Variants in OSBP2 observed in about 807,000 individuals in gnomAD.
The protein encoded by OSBP2 is oxysterol binding protein 2, also known as oxysterol-binding protein 2.
In OSBP2, 66 loss-of-function variants were observed where a neutral mutation model predicts 96.0. That is an observed-to-expected ratio of 0.69 (90% CI 0.56 to 0.84). The LOEUF (loss-of-function observed/expected upper bound fraction) is 0.84. Among genes scored for constraint, OSBP2 ranks in the 40% least tolerant of loss-of-function variants. The probability of loss-of-function intolerance (pLI) is 0.00; values close to 1 mark genes in which losing one functional copy is unlikely to be tolerated. For missense variants in OSBP2, 1,038 were observed against 1,222.7 expected, an observed-to-expected ratio of 0.85 and a Z score of 2.25; for synonymous variants, 525 against 520.9, an observed-to-expected ratio of 1.01 and a Z score of -0.11.
intron 2 of OSBP2, among the ~76,000 whole-genome samples, chr22:30,770,131 G>A (rs534377244): frequency 7.4e-5 from 10 of 134,626 alleles, no homozygotes; most frequent in Admixed American, 4.2e-4. Flanking sequence ...ATGGAGTCTC[G>A]CTCTGTTGCC....
chr22:30,786,186 T>C (rs1282116382), intron 2 of OSBP2, among the ~76,000 whole-genome samples: 2 of 152,136 alleles, frequency 1.3e-5, no homozygotes, highest in South Asian at 2.1e-4. Context: ...CACACCCAGC[T>C]AATTTTTTGT....
At chr22:30,904,318 CTGAGA>C (rs1045260500) in intron 12 of OSBP2, among the ~76,000 whole-genome samples, 95 of 152,214 alleles carry the variant, frequency 6.2e-4, no homozygotes, top group African/African-American at 2.2e-3. Context: ...TTCTCTGCTT[CTGAGA>C]TAAGAACCAT....
At chr22:30,874,435 GAA>G (rs1468888461) in intron 3 of OSBP2, among the ~76,000 whole-genome samples, 3 of 151,910 alleles carry the variant, frequency 2.0e-5, no homozygotes, top group African/African-American at 4.8e-5. Flanking sequence ...AAGAAAAAAA[GAA>G]AAGTCAGGTG....
At chr22:30,804,064 C>T (rs136260) in intron 2 of OSBP2, among the ~76,000 whole-genome samples, 29,002 of 152,144 alleles carry the variant, frequency 0.19, 2,843 homozygotes, top group Middle Eastern at 0.24. Context: ...CTGCCTTCGA[C>T]CCTACCAGCA....
Position 30,893,138 on chromosome 22 carries a change from C to T in OSBP2, c.1886C>T (p.Pro629Leu), listed in dbSNP as rs182014737. Residue 629 changes from proline to leucine, a missense_variant, in exon 9 of 14, where the codon CCC (proline) becomes CTC (leucine). Around this residue, in one of 3 missense-constraint regions of OSBP2, gnomAD observed 737 missense variants for 913.3 expected, o/e 0.81. Transcript: ENST00000332585. ...TGGTCTCAGGTGAGCCACCACCCCC[C>T]CTCAGCTGCGCACTACGTGTTCTCC... ...SLCEQVSHHPPSAAHYVFSKH... is the reference protein window; with the variant it reads ...SLCEQVSHHPLSAAHYVFSKH... 5 of 1,613,942 alleles carry T rather than the reference C, an allele frequency of 3.1e-6. No homozygotes were observed. The highest frequency in any genetic ancestry group is 1.7e-5 in the Admixed American group (1 of 60,002).
chr22:30,757,234 C>A (rs1326429619), intron 2 of OSBP2, among the ~76,000 whole-genome samples: 2 of 152,094 alleles, frequency 1.3e-5, no homozygotes, highest in East Asian at 3.9e-4. Context: ...ATGCATAGAA[C>A]AAAACCAGAT....
intron 1 of OSBP2, among the ~76,000 whole-genome samples, chr22:30,724,969 C>G (rs1011826175): frequency 6.7e-6 from 1 of 148,700 alleles, no homozygotes; most frequent in South Asian, 2.1e-4. Flanking sequence ...GTCAGGAGAT[C>G]GAGACCATCC....
chr22:30,867,534 C>A (rs946402298), intron 2 of OSBP2, among the ~76,000 whole-genome samples: 2 of 152,188 alleles, frequency 1.3e-5, no homozygotes, highest in Non-Finnish European at 2.9e-5. Flanking sequence ...CTCTCTGTCC[C>A]TTTGAGGGGA....
Position 30,870,553 on chromosome 22 carries a change from C to G in OSBP2, c.978C>G (p.His326Gln), listed in dbSNP as rs5997796. The G allele has an allele frequency of 2.5e-6, 4 of 1,614,102 alleles. No individual in the cohort carries two copies. In the South Asian group the frequency reaches 4.4e-5, roughly 18 times the overall value. ...LSTCNDLIAK[H>Q]GAALQRSLTE... ...CGTGCAATGACCTCATCGCCAAGCA[C>G]GGCGCTGCACTCCAGCGCTCCCTGA... Residue 326 changes from histidine to glutamine, a missense_variant, in exon 3 of 14, where the codon CAC (histidine) becomes CAG (glutamine). Physicochemically the swap from His to Gln is conservative, Grantham distance 24. This residue lies in a region of OSBP2 where 737 missense variants were observed against 913.3 expected (regional missense o/e 0.81). Coordinates refer to ENST00000332585, the MANE Select transcript of OSBP2 (RefSeq NM_030758.4). The surrounding 1 kb of genome is among the most constrained non-coding windows in gnomAD (Gnocchi z 4.1).
In OSBP2 at chr22:30,877,478, T is replaced by C. The variant is rs17213439; in HGVS notation, c.1107+6796T>C. Among the ~76,000 whole-genome samples the C allele has an allele frequency of 1.6e-3, 244 of 152,290 alleles. 10 individuals are homozygous for C. The East Asian group carries it at 0.043, about 27-fold the overall frequency. On this transcript the variant is annotated intron_variant, in intron 3 of 13. Coordinates refer to ENST00000332585, the MANE Select transcript of OSBP2 (RefSeq NM_030758.4). ...CCTCCCTGAGCACCAGGGTATACCT[T>C]GTACAGTGGCACTGCCTCTGTCACT...
intron 1 of OSBP2, among the ~76,000 whole-genome samples, chr22:30,740,811 T>C (rs566282528): frequency 3.0e-4 from 46 of 151,914 alleles, no homozygotes; most frequent in African/African-American, 1.1e-3. Context: ...AAGGAAAGAG[T>C]TTAGCATAGA....
At chr22:30,746,442 ATTC>A (rs1211913951) in intron 2 of OSBP2, among the ~76,000 whole-genome samples, 3 of 148,436 alleles carry the variant, frequency 2.0e-5, no homozygotes, top group Non-Finnish European at 4.5e-5. Context: ...AATTATACCA[ATTC>A]TTCTTAAATT....
At chr22:30,754,666 G>C (rs554925930) in intron 2 of OSBP2, among the ~76,000 whole-genome samples, 85 of 152,230 alleles carry the variant, frequency 5.6e-4, no homozygotes, top group South Asian at 2.3e-3. Context: ...CTCTCCCTTG[G>C]CCTCAGGGAA....
chr22:30,780,878 A>C (rs1015417859), intron 2 of OSBP2, among the ~76,000 whole-genome samples: 1 of 151,082 alleles, frequency 6.6e-6, no homozygotes, highest in Non-Finnish European at 1.5e-5. Context: ...AAATGTAAAA[A>C]CCTCCAGTGG....
At chr22:30,879,452 A>G (rs2039654042) in intron 3 of OSBP2, among the ~76,000 whole-genome samples, 1 of 152,212 alleles carries the variant, frequency 6.6e-6, no homozygotes, top group Admixed American at 6.5e-5. Flanking sequence ...GAGTCAAGTC[A>G]AGGAGACATT....
At chr22:30,788,947 A>AG (rs1448540014) in intron 2 of OSBP2, among the ~76,000 whole-genome samples, 2 of 152,198 alleles carry the variant, frequency 1.3e-5, no homozygotes, top group African/African-American at 4.8e-5. Flanking sequence ...TCCTGACCTC[A>AG]GGTGATCCGC....
chr22:30,765,292 C>A (rs1364785390), intron 2 of OSBP2, among the ~76,000 whole-genome samples: 1 of 152,128 alleles, frequency 6.6e-6, no homozygotes, highest in Non-Finnish European at 1.5e-5. Flanking sequence ...TCACTGCAAC[C>A]TCCACCTCCC....
At chr22:30,873,744 C>T (rs1569159993) in intron 3 of OSBP2, among the ~76,000 whole-genome samples, 1 of 152,240 alleles carries the variant, frequency 6.6e-6, no homozygotes, top group African/African-American at 2.4e-5. Context: ...GTGTTTTCCA[C>T]TTTGTGGGCT....
At chr22:30,827,895 A>G (rs182489206) in intron 2 of OSBP2, among the ~76,000 whole-genome samples, 28 of 152,336 alleles carry the variant, frequency 1.8e-4, no homozygotes, top group Non-Finnish European at 4.4e-5. Context: ...GGGGAAACTG[A>G]GGCTCAAGGA....
Sources: allele counts gnomAD v4.1 joint callset (sites outside exome capture counted in the v4.1 genomes callset), GRCh38; gene constraint gnomAD v4.1.1; regional missense constraint gnomAD v4.1.1; non-coding constraint Gnocchi (gnomAD v3.1); transcripts MANE v1.5; gene names NCBI Gene and HGNC (gene_info 2026-07-23, HGNC 2026-07-21).